ARAP2: variants seen among roughly 807,000 people sequenced by gnomAD.
ARAP2 encodes the protein arf-GAP with Rho-GAP domain, ANK repeat and PH domain-containing protein 2.
Under a neutral mutation model 194.5 loss-of-function variants are expected in ARAP2, and 148 were observed. The ratio of observed to expected loss-of-function variants is 0.76; its 90% confidence interval spans 0.67 to 0.87. The LOEUF (loss-of-function observed/expected upper bound fraction) is 0.87. Among genes scored for constraint, ARAP2 ranks in the 40% least tolerant of loss-of-function variants. The pLI, the probability that ARAP2 is intolerant of heterozygous loss-of-function variation, is 0.00. For synonymous variants in ARAP2, 695 were observed against 683.5 expected, an observed-to-expected ratio of 1.02 and a Z score of -0.26; for missense variants, 2,128 against 1,989.7, an observed-to-expected ratio of 1.07 and a Z score of -1.32.
At chr4:36,069,827 C>T (rs967821879) in intron 32 of ARAP2, among the ~76,000 whole-genome samples, 3 of 152,032 alleles carry the variant, frequency 2.0e-5, no homozygotes, top group Admixed American at 6.6e-5. Context: ...GTGACTGAAT[C>T]GTGGGGGTGG....
chr4:36,151,032 T>A lies in ARAP2; in HGVS notation c.2765A>T (p.Lys922Ile), dbSNP rs367555134. ...GAAGCCTCCTTCCAAAACACACCAT[T>A]TTTTATTTGTCTCTAAGAATTTGAA... ...EKKLLEETNK[K>I]WCVLEGGFLS... The change falls in exon 16 of 33, where the codon AAA (lysine) becomes ATA (isoleucine). Residue 922 changes from lysine to isoleucine, a missense_variant. Physicochemically the swap from Lys to Ile is moderately radical, Grantham distance 102 (BLOSUM62 -3). Coordinates refer to ENST00000303965, the MANE Select transcript of ARAP2 (RefSeq NM_015230.4). 5 of 1,594,776 alleles carry A rather than the reference T, an allele frequency of 3.1e-6. No individual in the cohort carries two copies. Among genetic ancestry groups the A allele is most frequent in the Non-Finnish European group, 4.3e-6 (5 of 1,174,246 alleles).
intron 6 of ARAP2, among the ~76,000 whole-genome samples, chr4:36,194,471 A>T (rs967840341): frequency 2.0e-5 from 3 of 152,194 alleles, no homozygotes; most frequent in African/African-American, 7.2e-5. Flanking sequence ...AAATTTAAAA[A>T]ATATTATTTC....
chr4:36,211,132 T>C (rs977262721), intron 5 of ARAP2, among the ~76,000 whole-genome samples: 3 of 152,136 alleles, frequency 2.0e-5, no homozygotes, highest in Admixed American at 2.0e-4. Flanking sequence ...CTCATCTATA[T>C]GGAGATCTTA....
chr4:36,175,640 G>A (rs540908208), intron 9 of ARAP2, among the ~76,000 whole-genome samples: 21 of 151,946 alleles, frequency 1.4e-4, no homozygotes, highest in African/African-American at 5.1e-4. Flanking sequence ...ACATTTTAAA[G>A]GTGTGTGTGT....
intron 5 of ARAP2, among the ~76,000 whole-genome samples, chr4:36,020,546 G>A (rs1053093355): frequency 9.9e-5 from 15 of 152,258 alleles, no homozygotes; most frequent in Middle Eastern, 3.4e-3. Context: ...ATGGGTGCTG[G>A]GATGGGAGGG....
At chr4:36,137,911 G>C (rs1727230515) in intron 19 of ARAP2, among the ~76,000 whole-genome samples, 1 of 151,584 alleles carries the variant, frequency 6.6e-6, no homozygotes, top group Admixed American at 6.6e-5. Context: ...AGAATTTCCT[G>C]AACAATTTAT....
intron 26 of ARAP2, among the ~76,000 whole-genome samples, chr4:36,109,299 G>GA (rs903310599): frequency 8.6e-5 from 13 of 151,794 alleles, no homozygotes; most frequent in African/African-American, 2.9e-4. Flanking sequence ...AAGAAGGAAA[G>GA]AAAAAATCCA....
In ARAP2 at chr4:36,160,576, T is replaced by C; in HGVS notation, c.2325A>G (p.Glu775=). The change falls in exon 13 of 33, where the codon GAA becomes GAG. Residue 775 remains glutamate, a synonymous_variant. Transcript: ENST00000303965. ...DFWAGNLQKD[E]ELHMDSPVEK... The stretch of plus-strand genomic sequence containing the variant: ...CTACTGGTGAGTCCATATGTAATTC[T>C]TCATCCTTTTGAAGATTACCAGCCC... The C allele has an allele frequency of 1.3e-6, 2 of 1,542,250 alleles. No individual in the cohort carries two copies. Among genetic ancestry groups the C allele is most frequent in the Non-Finnish European group, 1.7e-6 (2 of 1,154,436 alleles).
intron 7 of ARAP2, among the ~76,000 whole-genome samples, chr4:36,187,795 T>A (rs1578210338): frequency 6.6e-6 from 1 of 152,208 alleles, no homozygotes; most frequent in Non-Finnish European, 1.5e-5. Flanking sequence ...AACTTTCTCT[T>A]CATCTGGAAT....
In ARAP2 at chr4:36,242,248, A is replaced by T. The variant is rs550674638; in HGVS notation, c.-160+1931T>A. Among the ~76,000 whole-genome samples the T allele has an allele frequency of 1.4e-4, 22 of 152,346 alleles. No individual in the cohort carries two copies. The South Asian group carries it at 4.6e-3, about 32-fold the overall frequency. ...TATTAAGAAGTTCTCTACCTAATTAATATTTCACCAAGAATTCCCAAAACT... is the reference window on the plus strand; with the variant it reads ...TATTAAGAAGTTCTCTACCTAATTATTATTTCACCAAGAATTCCCAAAACT... On this transcript the variant is annotated intron_variant, in intron 1 of 32. Transcript: ENST00000303965.
intron 19 of ARAP2, among the ~76,000 whole-genome samples, chr4:36,138,556 T>C (rs1379347218): frequency 6.6e-6 from 1 of 151,736 alleles, no homozygotes; most frequent in Non-Finnish European, 1.5e-5. Context: ...CCCTTTATAA[T>C]GATAATCAGT....
intron 27 of ARAP2, among the ~76,000 whole-genome samples, chr4:36,092,831 G>A (rs182976533): frequency 7.2e-5 from 11 of 151,960 alleles, no homozygotes; most frequent in Non-Finnish European, 1.3e-4. Flanking sequence ...ATGCAAATGC[G>A]CAGATAAAAA....
At chr4:36,118,717 T>C (rs1722001601) in intron 24 of ARAP2, among the ~76,000 whole-genome samples, 1 of 151,482 alleles carries the variant, frequency 6.6e-6, no homozygotes, top group Admixed American at 6.6e-5. Context: ...AGTGAGAATT[T>C]AAGATAATTG....
chr4:36,081,737 G>A (rs1011756171), intron 30 of ARAP2, among the ~76,000 whole-genome samples: 3 of 151,794 alleles, frequency 2.0e-5, no homozygotes, highest in Admixed American at 6.6e-5. Context: ...AGGGTAGAGA[G>A]GTGTAGGTGG....
At chr4:36,024,615 T>A (rs1401396143) in intron 5 of ARAP2, among the ~76,000 whole-genome samples, 1 of 152,162 alleles carries the variant, frequency 6.6e-6, no homozygotes, top group East Asian at 1.9e-4. Context: ...CACTTTCTAC[T>A]GTACTACCAC....
intron 6 of ARAP2, among the ~76,000 whole-genome samples, chr4:36,202,806 T>A (rs2109234901): frequency 6.6e-6 from 1 of 152,170 alleles, no homozygotes; most frequent in Middle Eastern, 3.4e-3. Context: ...TAAATAAAAA[T>A]AAATAAATGC....
intron 6 of ARAP2, among the ~76,000 whole-genome samples, chr4:36,016,680 CTT>C (rs1214105314): frequency 6.6e-6 from 1 of 152,092 alleles, no homozygotes; most frequent in Non-Finnish European, 1.5e-5. Context: ...TTTTGATACT[CTT>C]TTAATTTTTA....
intron 5 of ARAP2, among the ~76,000 whole-genome samples, chr4:36,039,511 G>A (rs753751438): frequency 1.3e-5 from 2 of 152,012 alleles, no homozygotes; most frequent in South Asian, 2.1e-4. Flanking sequence ...GCTTCTGCTT[G>A]TGCCCCCTGG....
chr4:36,095,159 G>A (rs548968877), intron 27 of ARAP2, among the ~76,000 whole-genome samples: 75 of 152,162 alleles, frequency 4.9e-4, no homozygotes, highest in Middle Eastern at 3.4e-3. Context: ...ACAATTTTCC[G>A]CCCATGGCCC....
Sources: allele counts gnomAD v4.1 joint callset (sites outside exome capture counted in the v4.1 genomes callset), GRCh38; gene constraint gnomAD v4.1.1; transcripts MANE v1.5; gene names NCBI Gene and HGNC (gene_info 2026-07-23, HGNC 2026-07-21).